The following PTCH1 variants were observed in gnomAD, a reference collection of about 807,000 sequenced individuals.
PTCH1 encodes patched 1.
Under a neutral mutation model 144.6 loss-of-function variants are expected in PTCH1, and 14 were observed. That is an observed-to-expected ratio of 0.10 (90% CI 0.06 to 0.15). The LOEUF (loss-of-function observed/expected upper bound fraction) is 0.15. PTCH1 is among the 10% of genes least tolerant of loss of function. The pLI is 1.00. For missense variants in PTCH1, 1,623 were observed against 1,948.3 expected, an observed-to-expected ratio of 0.83 and a Z score of 3.14; for synonymous variants, 833 against 793.6, an observed-to-expected ratio of 1.05 and a Z score of -0.83.
At chr9:95,482,447 C>T (rs987632792) in intron 3 of PTCH1, 7 of 550,436 alleles carry the variant, frequency 1.3e-5, no homozygotes, top group South Asian at 2.1e-5. Flanking sequence ...CTTGAAAAGT[C>T]TTGTTTTCTT....
intron 5 of PTCH1, among the ~76,000 whole-genome samples, chr9:95,481,493 C>T (rs1841530021): frequency 6.6e-6 from 1 of 152,160 alleles, no homozygotes. Context: ...GGATTTCCCC[C>T]TTAAATGCCA....
At chr9:95,470,082 G>T in intron 12 of PTCH1, 151 bp from the exon 13 acceptor site, 1 of 711,630 alleles carries the variant, frequency 1.4e-6, no homozygotes, top group Non-Finnish European at 2.5e-6. Flanking sequence ...AGTTTCTTTT[G>T]CTACATCATC....
upstream of PTCH1, among the ~76,000 whole-genome samples, chr9:95,510,956 C>T (rs1360170651): frequency 2.7e-5 from 4 of 150,344 alleles, no homozygotes; most frequent in Non-Finnish European, 3.0e-5. Flanking sequence ...GCGCGGTCTC[C>T]CGAGAGCCCA....
chr9:95,507,554 A>C, intron 1 of PTCH1: 1 of 503,996 alleles, frequency 2.0e-6, no homozygotes, highest in Non-Finnish European at 2.6e-6. Context: ...GAGGCGGCTC[A>C]AAACCTGGAA....
intron 16 of PTCH1, 23 bp from the exon 17 acceptor site, chr9:95,459,806 G>A (rs1409661598): frequency 1.2e-6 from 2 of 1,613,132 alleles, no homozygotes; most frequent in African/African-American, 1.3e-5. Context: ...GAAGAACAGA[G>A]GCCTTTGAGA....
chr9:95,494,309 C>T (rs1842650118), intron 2 of PTCH1: 1 of 985,508 alleles, frequency 1.0e-6, no homozygotes, highest in South Asian at 4.7e-5. Context: ...ACTCTGCCCA[C>T]GCTGGACCTG....
chr9:95,473,938 A>G (rs1204866778), intron 12 of PTCH1: 2 of 382,808 alleles, frequency 5.2e-6, no homozygotes, highest in Non-Finnish European at 1.0e-5. Context: ...AATTTTCTAC[A>G]GTGATACTGT....
At chr9:95,454,843 G>A (rs1294385572) in intron 19 of PTCH1, among the ~76,000 whole-genome samples, 1 of 152,208 alleles carries the variant, frequency 6.6e-6, no homozygotes, top group Non-Finnish European at 1.5e-5. Context: ...TCAGAATACT[G>A]AAAATGACTT....
intron 1 of PTCH1, chr9:95,506,938 C>G (rs970910398): frequency 2.9e-6 from 3 of 1,043,018 alleles, no homozygotes; most frequent in Middle Eastern, 4.4e-4. Context: ...AATATTCACC[C>G]CAGAGCTGAG....
At chr9:95,474,431 C>T (rs2118208204) in intron 12 of PTCH1, among the ~76,000 whole-genome samples, 1 of 152,324 alleles carries the variant, frequency 6.6e-6, no homozygotes, top group South Asian at 2.1e-4. Context: ...TTTCATGCCA[C>T]TGAGCAATCA....
chr9:95,515,025 C>G (rs954922157), intron 1 of PTCH1, among the ~76,000 whole-genome samples: 11 of 152,244 alleles, frequency 7.2e-5, no homozygotes, highest in Middle Eastern at 3.4e-3. Flanking sequence ...AACTCACAAT[C>G]GAAAGCCCCT....
chr9:95,447,954 C>T (rs186587006), intron 22 of PTCH1, among the ~76,000 whole-genome samples: 55 of 152,340 alleles, frequency 3.6e-4, no homozygotes, highest in African/African-American at 1.1e-3. Flanking sequence ...TCGGTAGCCC[C>T]GGCCACATTT....
intron 2 of PTCH1, among the ~76,000 whole-genome samples, chr9:95,498,780 T>C (rs1370879078): frequency 6.6e-6 from 1 of 152,232 alleles, no homozygotes; most frequent in African/African-American, 2.4e-5. Flanking sequence ...TCAAGGAATG[T>C]TCCCACTGAG....
At chr9:95,486,660 G>T (rs1228043451) in intron 2 of PTCH1, among the ~76,000 whole-genome samples, 1 of 152,248 alleles carries the variant, frequency 6.6e-6, no homozygotes, top group Non-Finnish European at 1.5e-5. Flanking sequence ...GGCCAGCACG[G>T]GGTATGCCCA....
At chr9:95,515,098 A>T (rs1844305879) in intron 1 of PTCH1, among the ~76,000 whole-genome samples, 2 of 152,194 alleles carry the variant, frequency 1.3e-5, no homozygotes, top group Admixed American at 1.3e-4. Context: ...ACCACCCAGA[A>T]ATTTTAAGTT....
intron 2 of PTCH1, among the ~76,000 whole-genome samples, chr9:95,504,295 C>T (rs1283054320): frequency 1.3e-5 from 2 of 152,210 alleles, no homozygotes; most frequent in Non-Finnish European, 2.9e-5. Context: ...TCTCACTACA[C>T]AACTGGCAGC....
rs1227537345 is a variant in PTCH1 at position 95,476,088 on chromosome 9, G to A, written c.1674C>T (p.Ala558=). The A allele has an allele frequency of 2.5e-6, 4 of 1,613,898 alleles. No individual in the cohort carries two copies. Among genetic ancestry groups the A allele is most frequent in the Middle Eastern group, 1.6e-4 (1 of 6,084 alleles). The change falls in exon 12 of 24, where the codon GCC becomes GCT. Residue 558 remains alanine (A), a synonymous_variant. Coordinates refer to ENST00000331920, the MANE Select transcript of PTCH1 (RefSeq NM_000264.5). The surrounding 1 kb of genome is among the most constrained non-coding windows in gnomAD (Gnocchi z 4.6). ...VALTSISNVT[A]FFMAALIPIP... is the part of the protein sequence containing the mutation. ...TTGGGATTAACGCGGCCATGAAGAA[G>A]GCTGTGACATTGCTGATGGACGTGA...
Position 95,485,952 on chromosome 9 carries a change from C to T in PTCH1, c.395-78G>A, listed in dbSNP as rs1267612156. On this transcript the variant is annotated intron_variant, in intron 2 of 23. Coordinates refer to ENST00000331920, the MANE Select transcript of PTCH1 (RefSeq NM_000264.5). ...GTTTTATCTGTTATCTGACTACCTG[C>T]CATAGGATACACAATAGATGAACTC... The T allele has an allele frequency of 2.7e-6, 4 of 1,482,860 alleles. No homozygotes were observed. In the South Asian group the frequency reaches 4.6e-5, roughly 17 times the overall value. 91.9% of individuals were successfully genotyped at this position (1,482,860 alleles called of 1,614,324 possible). A position where few individuals can be genotyped will look rare whatever the true frequency, so the allele number is the denominator to read the frequency against.
chr9:95,516,689 T>C (rs1207494006), exon 1 of PTCH1: 1 of 1,613,248 alleles, frequency 6.2e-7, no homozygotes, highest in East Asian at 2.2e-5. Context: ...CTTCTTCTTC[T>C]TCTCCTCCTC....
Sources: allele counts gnomAD v4.1 joint callset (sites outside exome capture counted in the v4.1 genomes callset), GRCh38; gene constraint gnomAD v4.1.1; non-coding constraint Gnocchi (gnomAD v3.1); transcripts MANE v1.5; gene names NCBI Gene and HGNC (gene_info 2026-07-23, HGNC 2026-07-21).